The following CCDC192 variants were observed in gnomAD, a reference collection of about 807,000 sequenced individuals.
CCDC192 encodes coiled-coil domain-containing protein 192.
intron 6 of CCDC192, among the ~76,000 whole-genome samples, chr5:127,920,484 C>T (rs1322684023): frequency 6.8e-6 from 1 of 147,824 alleles, no homozygotes; most frequent in South Asian, 2.1e-4. Flanking sequence ...TCTCGAGTCA[C>T]TGCAACCTCT....
At chr5:127,702,613 G>A (rs1481708409), upstream of CCDC192, among the ~76,000 whole-genome samples, 1 of 152,188 alleles carries the variant, frequency 6.6e-6, no homozygotes, top group Non-Finnish European at 1.5e-5. Context: ...AAACATTGCT[G>A]TCATGCCAGT....
At chr5:127,849,303 C>G (rs1377288398) in intron 5 of CCDC192, among the ~76,000 whole-genome samples, 1 of 152,008 alleles carries the variant, frequency 6.6e-6, no homozygotes, top group East Asian at 1.9e-4. Flanking sequence ...CTTATTCTCC[C>G]CAGTTCTACA....
intron 5 of CCDC192, among the ~76,000 whole-genome samples, chr5:127,834,982 G>T (rs1485264969): frequency 2.0e-5 from 3 of 152,102 alleles, no homozygotes; most frequent in Non-Finnish European, 4.4e-5. Context: ...AAATGAAATG[G>T]TTCCAAAACA....
chr5:127,711,245 T>C (rs977493759), intron 2 of CCDC192, among the ~76,000 whole-genome samples: 4 of 152,200 alleles, frequency 2.6e-5, no homozygotes, highest in African/African-American at 9.6e-5. Flanking sequence ...ATGAAGTATT[T>C]TACTCAGTGT....
chr5:127,716,497 G>T (rs1328289754), intron 2 of CCDC192, among the ~76,000 whole-genome samples: 1 of 152,164 alleles, frequency 6.6e-6, no homozygotes, highest in Non-Finnish European at 1.5e-5. Context: ...GTAGATTTCA[G>T]CAGTGAAGCT....
At chr5:127,838,876 A>C (rs1251074677) in intron 5 of CCDC192, among the ~76,000 whole-genome samples, 1 of 152,222 alleles carries the variant, frequency 6.6e-6, no homozygotes, top group East Asian at 1.9e-4. Context: ...TAGGCAGCAA[A>C]GACTGTCGCT....
intron 5 of CCDC192, among the ~76,000 whole-genome samples, chr5:127,843,885 G>C (rs577719002): frequency 2.0e-5 from 3 of 152,138 alleles, no homozygotes; most frequent in Admixed American, 2.0e-4. Context: ...TGTAAGAAGG[G>C]AAAAAAGTAG....
chr5:127,777,565 G>T (rs1755942952), intron 3 of CCDC192, among the ~76,000 whole-genome samples: 1 of 152,140 alleles, frequency 6.6e-6, no homozygotes, highest in African/African-American at 2.4e-5. Context: ...GGAATGTGAG[G>T]ACATGAGATG....
chr5:127,755,812 A>G (rs1754551047), intron 3 of CCDC192, among the ~76,000 whole-genome samples: 1 of 150,682 alleles, frequency 6.6e-6, no homozygotes, highest in Admixed American at 6.6e-5. Context: ...TTTTTTTGGT[A>G]ATCAAATGGC....
At chr5:127,842,253 G>T (rs886735637) in intron 5 of CCDC192, among the ~76,000 whole-genome samples, 3 of 152,042 alleles carry the variant, frequency 2.0e-5, no homozygotes, top group African/African-American at 7.2e-5. Context: ...CTCACTTTGC[G>T]GCTTAGCTTG....
intron 6 of CCDC192, among the ~76,000 whole-genome samples, chr5:127,892,317 C>G (rs1752754617): frequency 6.6e-6 from 1 of 152,122 alleles, no homozygotes. Context: ...AATTAAGGTG[C>G]TGTTGTTTGT....
In CCDC192 at chr5:127,788,266, A is replaced by G. The variant is rs75763195; in HGVS notation, c.223-8837A>G. Among the ~76,000 whole-genome samples, 31 of 152,242 alleles carry G rather than the reference A, an allele frequency of 2.0e-4. No homozygotes were observed. In the East Asian group the frequency reaches 2.1e-3, roughly 10 times the overall value. ...AAATTGCCACTTTTATCAATATGCA[A>G]TGTATTCCTTTTACTTTTATAAAAA... On this transcript the variant is annotated intron_variant, in intron 3 of 6. Transcript: ENST00000514853.
chr5:127,714,078 T>C (rs1004353368), intron 2 of CCDC192, among the ~76,000 whole-genome samples: 4 of 152,182 alleles, frequency 2.6e-5, no homozygotes, highest in African/African-American at 7.2e-5. Flanking sequence ...CACATATAAG[T>C]AAGATTATGC....
At position 127,872,217 on chromosome 5, in the gene CCDC192, C is replaced by G. The variant is rs1033328500; in HGVS notation, c.412-3321C>G. Among the ~76,000 whole-genome samples, 226 of 152,272 alleles carry G rather than the reference C, an allele frequency of 1.5e-3. 1 individual carries two copies. Among genetic ancestry groups the G allele is most frequent in the African/African-American group, 5.2e-3 (215 of 41,564 alleles). On this transcript the variant is annotated intron_variant, in intron 5 of 6. Coordinates refer to ENST00000514853, the MANE Select transcript of CCDC192 (RefSeq NM_001317938.2). ...AAATGTATCTGAGTAATCAAAAGGT[C>G]TCAACAGAAATGTTAGACAGCCAAT...
intron 2 of CCDC192, among the ~76,000 whole-genome samples, chr5:127,735,332 C>T (rs1752910388): frequency 6.9e-6 from 1 of 144,870 alleles, no homozygotes. Context: ...TTACTGTAGC[C>T]TTGTAGTATA....
intron 2 of CCDC192, among the ~76,000 whole-genome samples, chr5:127,721,395 C>G (rs565753668): frequency 2.4e-4 from 36 of 152,312 alleles, no homozygotes; most frequent in African/African-American, 8.4e-4. Context: ...ACAAAACTGA[C>G]CTTACTCCAG....
intron 3 of CCDC192, chr5:127,786,057 A>G: frequency 1.5e-6 from 1 of 681,488 alleles, no homozygotes; most frequent in East Asian, 2.6e-5. Context: ...CTCCTAGGTC[A>G]TTCTGGATTC....
intron 3 of CCDC192, chr5:127,786,833 T>G: frequency 1.9e-6 from 1 of 531,614 alleles, no homozygotes; most frequent in Non-Finnish European, 3.5e-6. Context: ...GCCCCTTTTT[T>G]GATGTAGAAA....
intron 6 of CCDC192, among the ~76,000 whole-genome samples, chr5:127,919,274 C>A (rs1753638040): frequency 6.6e-6 from 1 of 152,102 alleles, no homozygotes; most frequent in Admixed American, 6.5e-5. Flanking sequence ...CTGAAGAGTT[C>A]TTTGACTCAG....
Sources: gnomAD v4.1 joint callset for allele counts (sites outside exome capture counted in the v4.1 genomes callset) on GRCh38, gnomAD v4.1.1 for gene constraint, MANE v1.5 for transcripts, NCBI Gene and HGNC (gene_info 2026-07-23, HGNC 2026-07-21) for gene names.